Variants in GRHL2 observed in about 807,000 individuals in gnomAD.
The protein encoded by GRHL2 is grainyhead like transcription factor 2.
A neutral mutation model predicts 83.8 loss-of-function variants in GRHL2; 21 were observed. The observed-to-expected ratio is 0.25, with a 90% CI of 0.18 to 0.36. The LOEUF (loss-of-function observed/expected upper bound fraction) is 0.36. Among genes scored for constraint, GRHL2 ranks in the 10% least tolerant of loss-of-function variants. GRHL2 has a pLI of 1.00. For missense variants in GRHL2, 623 were observed against 781.8 expected (o/e 0.80, Z 2.42); for synonymous variants, 280 against 278.9 (o/e 1.00, Z -0.04).
At chr8:101,513,360 T>TATA (rs1810501717) in intron 1 of GRHL2, among the ~76,000 whole-genome samples, 1 of 152,162 alleles carries the variant, frequency 6.6e-6, no homozygotes, top group Non-Finnish European at 1.5e-5. Flanking sequence ...TGGTGAGGTA[T>TATA]ATAACCCTTA....
intron 14 of GRHL2, among the ~76,000 whole-genome samples, chr8:101,661,458 T>C (rs1429045203): frequency 1.1e-4 from 17 of 152,172 alleles, no homozygotes; most frequent in Admixed American, 1.1e-3. Flanking sequence ...TCATGTAAAA[T>C]GGCATAGATA....
At chr8:101,649,711 G>A (rs1813583472) in intron 14 of GRHL2, among the ~76,000 whole-genome samples, 1 of 152,156 alleles carries the variant, frequency 6.6e-6, no homozygotes, top group Non-Finnish European at 1.5e-5. Flanking sequence ...CCAATTCCCT[G>A]TCAGTTTAAG....
chr8:101,553,520 A>T (rs1452701406), intron 3 of GRHL2, among the ~76,000 whole-genome samples: 1 of 151,646 alleles, frequency 6.6e-6, no homozygotes, highest in Non-Finnish European at 1.5e-5. Flanking sequence ...GGGTGACTGG[A>T]GGGTGAATCC....
At chr8:101,596,795 T>G (rs1273350643) in intron 7 of GRHL2, among the ~76,000 whole-genome samples, 1 of 152,254 alleles carries the variant, frequency 6.6e-6, no homozygotes, top group East Asian at 1.9e-4. Context: ...TGATTGCTTT[T>G]AAATATTTTT....
intron 7 of GRHL2, among the ~76,000 whole-genome samples, chr8:101,591,776 T>C (rs1812287468): frequency 6.6e-6 from 1 of 152,330 alleles, no homozygotes; most frequent in Non-Finnish European, 1.5e-5. Flanking sequence ...AGGCTTCACA[T>C]AGGCTTGGCA....
chr8:101,574,110 A>G (rs1179941838), intron 6 of GRHL2, among the ~76,000 whole-genome samples: 2 of 152,050 alleles, frequency 1.3e-5, no homozygotes. Context: ...CGTTGTTGTT[A>G]TTTTCAATCA....
rs182648210 is a variant in GRHL2 at position 101,598,298 on chromosome 8, T to C, written c.1004-759T>C. Among the ~76,000 whole-genome samples, 441 of 149,412 alleles carry C rather than the reference T, an allele frequency of 3.0e-3. 1 individual carries two copies. Among genetic ancestry groups the C allele is most frequent in the Non-Finnish European group, 4.6e-3 (310 of 67,666 alleles). ...CTCTGTCACCCAGGCTGGAGTACAG[T>C]GGCATGATCTCAGCTCACTGCAGCC... On this transcript the variant is annotated intron_variant, in intron 7 of 15. Coordinates refer to ENST00000646743, the MANE Select transcript of GRHL2 (RefSeq NM_024915.4).
rs202185323 is a variant in GRHL2 at position 101,657,831 on chromosome 8, C to CAA, written c.1699-6612_1699-6611dup. 3.2e-3 allele frequency among the ~76,000 whole-genome samples: 392 copies of CAA among 123,126 alleles called. 2 individuals carry two copies. The highest frequency in any genetic ancestry group is 0.012 in the Middle Eastern group (3 of 244). 80.8% of individuals were successfully genotyped at this position (123,126 alleles called of 152,430 possible). On this transcript the variant is annotated intron_variant, in intron 14 of 15. Transcript: ENST00000646743. ...CTCTAGCCTGGGCGACAGAGCGAAA[C>CAA]AAAAAAAAAAAAGACAGAAAAAGAA...
In GRHL2 at chr8:101,571,982, C is replaced by T. The variant is rs138467404; in HGVS notation, c.734+1588C>T. ...CCGCTGCTGCCATGGTCCAGCAGAG[C>T]GAGCATGTCTCTTAGCCTCTCCTTA... On this transcript the variant is annotated intron_variant, in intron 5 of 15. Transcript: ENST00000646743. Among the ~76,000 whole-genome samples the T allele has an allele frequency of 6.8e-3, 1,036 of 152,242 alleles. 9 individuals carry two copies. Among genetic ancestry groups the T allele is most frequent in the South Asian group, 0.015 (74 of 4,826 alleles).
intron 3 of GRHL2, among the ~76,000 whole-genome samples, chr8:101,557,103 C>T (rs533343168): frequency 9.2e-5 from 14 of 151,700 alleles, no homozygotes; most frequent in African/African-American, 3.4e-4. Flanking sequence ...ATTTAAATCC[C>T]TGTCATGTCA....
At chr8:101,656,834 C>CTGTGTGTG (rs376661013) in intron 14 of GRHL2, among the ~76,000 whole-genome samples, 2,169 of 148,900 alleles carry the variant, frequency 0.015, 57 homozygotes, top group African/African-American at 0.052. Context: ...GTTCATGTGT[C>CTGTGTGTG]TGTCTGTGTG....
chr8:101,652,547 G>GTGTGGTGTGTGTGTGTGGTAT (rs1813685026), intron 14 of GRHL2, among the ~76,000 whole-genome samples: 1 of 50,342 alleles, frequency 2.0e-5, no homozygotes, highest in Non-Finnish European at 3.3e-5. Flanking sequence ...GTGTGTGTGT[G>GTGTGGTGTGTGTGTGTGGTAT]GTGTGTATGT....
intron 1 of GRHL2, among the ~76,000 whole-genome samples, chr8:101,525,734 C>A (rs938081918): frequency 6.6e-6 from 1 of 151,970 alleles, no homozygotes; most frequent in African/African-American, 2.4e-5. Flanking sequence ...TTTGGGAGGC[C>A]GAGGTGGGTG....
chr8:101,560,883 A>G (rs1265458722), intron 4 of GRHL2, among the ~76,000 whole-genome samples: 1 of 152,182 alleles, frequency 6.6e-6, no homozygotes, highest in Non-Finnish European at 1.5e-5. Context: ...AGTTCTTTAT[A>G]TAATGTGAAT....
At chr8:101,495,183 G>C (rs75335877) in intron 1 of GRHL2, among the ~76,000 whole-genome samples, 114 of 152,304 alleles carry the variant, frequency 7.5e-4, no homozygotes, top group African/African-American at 2.7e-3. Flanking sequence ...GCAAGTGAGA[G>C]GCTTCATCAG....
rs1043428000 is a variant in GRHL2, at chr8:101,505,105, A to C, written c.20+12316A>C. On this transcript the variant is annotated intron_variant, in intron 1 of 15. Transcript: ENST00000646743. ...ATAAACACAGAGGTGGTGAAACAGG[A>C]ACTAGTAGGTATACATTTTGGCCGT... Among the ~76,000 whole-genome samples the C allele has an allele frequency of 1.1e-4, 17 of 152,272 alleles. No individual in the cohort carries two copies. In the East Asian group the frequency reaches 2.3e-3, roughly 21 times the overall value.
chr8:101,579,313 A>C (rs182648845), intron 7 of GRHL2, among the ~76,000 whole-genome samples: 1 of 152,364 alleles, frequency 6.6e-6, no homozygotes, highest in Admixed American at 6.5e-5. Context: ...TGTTGATCCA[A>C]CTTTGATATT....
chr8:101,575,030 C>T (rs188048001), intron 6 of GRHL2, among the ~76,000 whole-genome samples: 1 of 152,130 alleles, frequency 6.6e-6, no homozygotes, highest in Non-Finnish European at 1.5e-5. Context: ...CCCAGGGCGT[C>T]GGACTCCTGA....
At chr8:101,642,122 A>C (rs1390109793) in intron 12 of GRHL2, among the ~76,000 whole-genome samples, 1 of 152,132 alleles carries the variant, frequency 6.6e-6, no homozygotes, top group East Asian at 1.9e-4. Flanking sequence ...TTTGCTTTCT[A>C]CATCTGTCAA....
Sources: allele counts gnomAD v4.1 joint callset (sites outside exome capture counted in the v4.1 genomes callset), GRCh38; gene constraint gnomAD v4.1.1; transcripts MANE v1.5; gene names NCBI Gene and HGNC (gene_info 2026-07-23, HGNC 2026-07-21).